Variants in FCGR3B observed in about 807,000 individuals in gnomAD.
The protein encoded by FCGR3B is Fc gamma receptor IIIb.
A neutral mutation model predicts 26.7 loss-of-function variants in FCGR3B; 20 were observed. The ratio of observed to expected loss-of-function variants is 0.75; its 90% confidence interval spans 0.53 to 1.09. The LOEUF is 1.09. Ranked by LOEUF, FCGR3B falls within the 50% of genes least tolerant of loss-of-function variation. FCGR3B has a pLI of 0.00. For missense variants in FCGR3B, 191 were observed against 279.7 expected, an observed-to-expected ratio of 0.68 and a Z score of 2.26; for synonymous variants, 79 against 107.0, an observed-to-expected ratio of 0.74 and a Z score of 1.62.
In FCGR3B at chr1:161,624,379, A is replaced by G. The variant is rs1309102528; in HGVS notation, c.*136T>C. 1.3e-5 allele frequency: 14 copies of G among 1,050,030 alleles called. No homozygotes were observed. The highest frequency in any genetic ancestry group is 1.8e-5 in the Non-Finnish European group (13 of 711,232). The allele number at this position is 1,050,030 out of a possible 1,614,324, so 65.0% of individuals were successfully genotyped here. On this transcript the variant is annotated 3_prime_UTR_variant, in exon 5 of 5. Transcript: ENST00000650385. The stretch of plus-strand genomic sequence containing the variant: ...CTGCTTGTAGAGAGGCCTGAGGATG[A>G]TGGGGTTGCAAATCCAGAGAAATGT...
intron 3 of FCGR3B, among the ~76,000 whole-genome samples, chr1:161,628,810 G>A (rs2102592952): frequency 6.9e-6 from 1 of 145,032 alleles, no homozygotes; most frequent in South Asian, 2.3e-4. Flanking sequence ...AGGCTATGTG[G>A]TAAGATTGTA....
upstream of FCGR3B, chr1:161,631,264 G>T: frequency 1.4e-6 from 2 of 1,471,584 alleles, no homozygotes; most frequent in Non-Finnish European, 1.8e-6. Flanking sequence ...CTGAAGTCTC[G>T]CAATGGAGCC....
chr1:161,631,154 C>T lies in FCGR3B; in HGVS notation c.-60G>A, dbSNP rs185355320. On this transcript the variant is annotated 5_prime_UTR_variant, in exon 1 of 5. Coordinates refer to ENST00000650385, the MANE Select transcript of FCGR3B (RefSeq NM_001244753.2). ...ATCCGGAGCCCTAAAGGGACCAAGC[C>T]GACTAGACAGGAGGGAGTAAACAGC... 3.2e-5 allele frequency: 51 copies of T among 1,607,656 alleles called. 3 individuals are homozygous for T. The highest frequency in any genetic ancestry group is 6.7e-5 in the East Asian group (3 of 44,724).
intron 3 of FCGR3B, among the ~76,000 whole-genome samples, chr1:161,627,679 G>T (rs144850527): frequency 0.014 from 2,149 of 150,254 alleles, 194 homozygotes; most frequent in African/African-American, 0.05. Context: ...TATATAGTCT[G>T]GTGGCCTTTG....
rs745540495 is a variant in FCGR3B, at chr1:161,626,105, A to T, written c.577+40T>A. ...CCCAGTGTGAGTGCAGGTTCCACACACAGGCGTCCCTGGGCATTCCAGGGT... is the reference window on the plus strand; with the variant it reads ...CCCAGTGTGAGTGCAGGTTCCACACTCAGGCGTCCCTGGGCATTCCAGGGT... On this transcript the variant is annotated intron_variant, in intron 4 of 4. Transcript: ENST00000650385. The T allele has an allele frequency of 1.8e-5, 28 of 1,595,834 alleles. 1 individual carries two copies. Among genetic ancestry groups the T allele is most frequent in the Non-Finnish European group, 2.4e-5 (28 of 1,170,556 alleles).
upstream of FCGR3B, among the ~76,000 whole-genome samples, chr1:161,631,728 G>GCTA (rs199563361): frequency 0.23 from 23,533 of 104,564 alleles, 3,065 homozygotes; most frequent in East Asian, 0.5. Flanking sequence ...ATCCACAGGA[G>GCTA]CTGACTTTTT....
Position 161,624,316 on chromosome 1 carries a change from T to C in FCGR3B, c.*199A>G, listed in dbSNP as rs1190652927. On this transcript the variant is annotated 3_prime_UTR_variant, in exon 5 of 5. Transcript: ENST00000650385. Reference sequence around the variant, plus strand: ...CTGGAGACCAAGGAAAAATCGAGAGTTGGATAAAGGATCTGGCTCTGAGTT... The same window carrying C: ...CTGGAGACCAAGGAAAAATCGAGAGCTGGATAAAGGATCTGGCTCTGAGTT... The C allele has an allele frequency of 1.5e-6, 1 of 648,114 alleles. No individual in the cohort carries two copies. 40.1% of individuals were successfully genotyped at this position (648,114 alleles called of 1,614,324 possible). A position where few individuals can be genotyped will look rare whatever the true frequency, so the allele number is the denominator to read the frequency against.
At chr1:161,625,324 C>T (rs1679403181) in intron 4 of FCGR3B, among the ~76,000 whole-genome samples, 2 of 138,412 alleles carry the variant, frequency 1.4e-5, no homozygotes, top group Non-Finnish European at 3.1e-5. Context: ...AGGCACACCA[C>T]TCTAGAGCTC....
At chr1:161,628,929 G>A (rs1257991321) in intron 3 of FCGR3B, among the ~76,000 whole-genome samples, 2 of 131,264 alleles carry the variant, frequency 1.5e-5, no homozygotes, top group African/African-American at 2.8e-5. Flanking sequence ...TAATGTGCAG[G>A]CTGAACATGT....
rs779540050 is a variant in FCGR3B at position 161,626,358 on chromosome 1, C to T, written c.364G>A (p.Asp122Asn). Residue 122 changes from aspartate (D) to asparagine (N), a missense_variant, in exon 4 of 5, where the codon GAC (aspartate) becomes AAC (asparagine). This residue lies in a region of FCGR3B where 88 missense variants were observed against 165.2 expected (regional missense o/e 0.53). Transcript: ENST00000650385. ...CTGTGACACCTCAGGTGAATAGGGT[C>T]TTCCTCCTTGAACACCCACCGAGGG... ...QAPRWVFKEEDPIHLRCHSWK... is the reference protein window; with the variant it reads ...QAPRWVFKEENPIHLRCHSWK... 2.9e-5 allele frequency: 47 copies of T among 1,608,644 alleles called. 4 individuals carry two copies. The South Asian group carries it at 4.3e-4, about 15-fold the overall frequency.
upstream of FCGR3B, among the ~76,000 whole-genome samples, chr1:161,631,730 T>C (rs1679759560): frequency 7.4e-6 from 1 of 135,176 alleles, no homozygotes; most frequent in Non-Finnish European, 1.6e-5. Flanking sequence ...CCACAGGAGC[T>C]GACTTTTTAG....
At position 161,629,866 on chromosome 1, in the gene FCGR3B, G is replaced by A. The variant is rs375541897; in HGVS notation, c.231C>T (p.Asp77=). 122 of 1,492,700 alleles carry A rather than the reference G, an allele frequency of 8.2e-5. 7 individuals are homozygous for A. The highest frequency in any genetic ancestry group is 1.0e-4 in the Admixed American group (5 of 48,698). The allele number at this position is 1,492,700 out of a possible 1,614,324, so 92.5% of individuals were successfully genotyped here. ...CTCCACTGTCGTTGACTGTGGCAGC[G>A]TCAATGAAGTAGCTCGAGGCCTGGC... ...ISSQASSYFI[D]AATVNDSGEY... is the part of the protein sequence containing the mutation. The change falls in exon 3 of 5, where the codon GAC becomes GAT. Residue 77 remains aspartate, a synonymous_variant. Coordinates refer to ENST00000650385, the MANE Select transcript of FCGR3B (RefSeq NM_001244753.2).
chr1:161,628,579 T>G (rs1285844751), intron 3 of FCGR3B, among the ~76,000 whole-genome samples: 1 of 148,488 alleles, frequency 6.7e-6, no homozygotes, highest in Non-Finnish European at 1.5e-5. Context: ...GGACATACCT[T>G]CTTGTAGCTC....
intron 2 of FCGR3B, 100 bp from the exon 3 acceptor site, chr1:161,630,135 C>A: frequency 1.8e-6 from 2 of 1,130,364 alleles, no homozygotes; most frequent in South Asian, 1.5e-5. Context: ...TCATTGCAAA[C>A]CCATGCTTGG....
Position 161,630,959 on chromosome 1 carries a change from C to T in FCGR3B, c.40+96G>A, listed in dbSNP as rs1451904521. 8.7e-6 allele frequency: 13 copies of T among 1,497,516 alleles called. No homozygotes were observed. In the African/African-American group the frequency reaches 1.4e-4, roughly 17 times the overall value. The allele number at this position is 1,497,516 out of a possible 1,614,324, so 92.8% of individuals were successfully genotyped here. On this transcript the variant is annotated intron_variant, in intron 1 of 4. Transcript: ENST00000650385. ...CTATAGATGTGGTGAGGGGTCCCAT[C>T]CCTTTGTGGGAGTCTCATTCGTAGC... is the stretch of plus-strand genomic sequence containing the variant.
chr1:161,627,428 T>C (rs1679520485), intron 3 of FCGR3B, among the ~76,000 whole-genome samples: 1 of 150,482 alleles, frequency 6.6e-6, no homozygotes, highest in African/African-American at 2.5e-5. Flanking sequence ...TGTAATTTTA[T>C]TTTTTAAATC....
At chr1:161,627,475 C>T (rs1679523650) in intron 3 of FCGR3B, among the ~76,000 whole-genome samples, 1 of 150,358 alleles carries the variant, frequency 6.7e-6, no homozygotes, top group Non-Finnish European at 1.5e-5. Flanking sequence ...TTTTAAAAAT[C>T]TACTACCTGA....
intron 3 of FCGR3B, among the ~76,000 whole-genome samples, chr1:161,627,066 A>G (rs1412969103): frequency 4.0e-5 from 6 of 150,118 alleles, no homozygotes; most frequent in South Asian, 4.2e-4. Context: ...AAATTCTTAT[A>G]TCGCCAGAGC....
intron 3 of FCGR3B, among the ~76,000 whole-genome samples, chr1:161,627,634 G>C (rs1679529198): frequency 6.7e-6 from 1 of 150,344 alleles, no homozygotes; most frequent in African/African-American, 2.5e-5. Flanking sequence ...TTTCAGCAAA[G>C]AGATGAATCA....
Sources: gnomAD v4.1 joint callset for allele counts (sites outside exome capture counted in the v4.1 genomes callset) on GRCh38, gnomAD v4.1.1 for gene constraint, gnomAD v4.1.1 regional missense constraint, MANE v1.5 for transcripts, NCBI Gene and HGNC (gene_info 2026-07-23, HGNC 2026-07-21) for gene names.